The following CHCHD6 variants were observed in gnomAD, a reference collection of about 807,000 sequenced individuals.
CHCHD6 encodes the protein coiled-coil-helix-coiled-coil-helix domain containing 6.
Under a neutral mutation model 32.3 loss-of-function variants are expected in CHCHD6, and 28 were observed. That is an observed-to-expected ratio of 0.87 (90% CI 0.64 to 1.19). The LOEUF (loss-of-function observed/expected upper bound fraction) is 1.19. CHCHD6 is among the 50% of genes most tolerant of loss of function. CHCHD6 has a pLI of 0.00. For missense variants in CHCHD6, 333 were observed against 307.0 expected (o/e 1.08, Z -0.63); for synonymous variants, 122 against 117.5 (o/e 1.04, Z -0.25).
chr3:126,781,522 C>T (rs776751996), intron 4 of CHCHD6, among the ~76,000 whole-genome samples: 8 of 152,246 alleles, frequency 5.3e-5, no homozygotes, highest in Non-Finnish European at 1.0e-4. Context: ...GACAGAGATG[C>T]ATCTGCTGGC....
chr3:126,911,057 T>A (rs1324574058), intron 5 of CHCHD6, among the ~76,000 whole-genome samples: 3 of 152,150 alleles, frequency 2.0e-5, no homozygotes, highest in Admixed American at 6.5e-5. Context: ...AAAACATTGT[T>A]TAGTGTAAAT....
chr3:126,943,659 C>T (rs1227672598), intron 6 of CHCHD6, among the ~76,000 whole-genome samples: 2 of 152,060 alleles, frequency 1.3e-5, no homozygotes, highest in African/African-American at 2.4e-5. Flanking sequence ...CTCTGGTGTC[C>T]GTGATGGGGT....
chr3:126,865,627 C>G (rs927803543), intron 5 of CHCHD6: 29 of 985,160 alleles, frequency 2.9e-5, no homozygotes, highest in Non-Finnish European at 3.5e-5. Flanking sequence ...ATTTTGATTG[C>G]TGCTGCCCCC....
At chr3:126,750,832 G>A (rs953526669) in intron 4 of CHCHD6, among the ~76,000 whole-genome samples, 1 of 152,230 alleles carries the variant, frequency 6.6e-6, no homozygotes, top group Non-Finnish European at 1.5e-5. Flanking sequence ...TAACAGGTGG[G>A]CAGGCAGTTC....
chr3:126,928,048 T>C (rs1215891091), intron 6 of CHCHD6, among the ~76,000 whole-genome samples: 1 of 152,164 alleles, frequency 6.6e-6, no homozygotes, highest in Non-Finnish European at 1.5e-5. Context: ...AAGTTGTTCA[T>C]TGGTAAAGCG....
intron 5 of CHCHD6, among the ~76,000 whole-genome samples, chr3:126,889,035 G>C (rs886122861): frequency 1.3e-5 from 2 of 152,228 alleles, no homozygotes; most frequent in Admixed American, 1.3e-4. Flanking sequence ...AGCCTCAGGA[G>C]AGTGGTGGGT....
intron 2 of CHCHD6, among the ~76,000 whole-genome samples, chr3:126,727,591 T>C (rs1935594522): frequency 6.6e-6 from 1 of 152,164 alleles, no homozygotes; most frequent in African/African-American, 2.4e-5. Context: ...GAGAATTCCG[T>C]CAGTGATTTA....
chr3:126,791,467 C>T (rs954377769), intron 4 of CHCHD6, among the ~76,000 whole-genome samples: 2 of 152,264 alleles, frequency 1.3e-5, no homozygotes, highest in South Asian at 2.1e-4. Context: ...GCAGTGGGCT[C>T]CACCCAGTTC....
chr3:126,954,410 C>T (rs375335074), intron 6 of CHCHD6, among the ~76,000 whole-genome samples: 3 of 152,232 alleles, frequency 2.0e-5, no homozygotes, highest in Non-Finnish European at 4.4e-5. Flanking sequence ...TGCAAAGTGT[C>T]GGCGTCTCTG....
At chr3:126,753,653 C>T (rs914271204) in intron 4 of CHCHD6, among the ~76,000 whole-genome samples, 1 of 152,234 alleles carries the variant, frequency 6.6e-6, no homozygotes. Flanking sequence ...TGCCCTTGCC[C>T]CTGTCTCTCT....
At position 126,960,414 on chromosome 3, in the gene CHCHD6, G is replaced by A. The variant is rs2078844235; in HGVS notation, c.*213G>A. On this transcript the variant is annotated 3_prime_UTR_variant, in exon 8 of 8. Coordinates refer to ENST00000290913, the MANE Select transcript of CHCHD6 (RefSeq NM_032343.3). Reference sequence around the variant, plus strand: ...TTTGTTTTCAGTCGTTGACTCACTGGCAAACAGTCACTGCTGCCTACTCTG... The same window carrying A: ...TTTGTTTTCAGTCGTTGACTCACTGACAAACAGTCACTGCTGCCTACTCTG... 1.7e-6 allele frequency: 1 copy of A among 594,904 alleles called. No individual in the cohort carries two copies. The highest frequency in any genetic ancestry group is 3.0e-6 in the Non-Finnish European group (1 of 332,282). The allele number at this position is 594,904 out of a possible 1,614,324, so 36.9% of individuals were successfully genotyped here. A position where few individuals can be genotyped will look rare whatever the true frequency, so the allele number is the denominator to read the frequency against.
chr3:126,758,869 T>G (rs1181520350), intron 4 of CHCHD6, among the ~76,000 whole-genome samples: 1 of 152,230 alleles, frequency 6.6e-6, no homozygotes, highest in African/African-American at 2.4e-5. Context: ...GCGTCACTTA[T>G]GTTGTAATAG....
At chr3:126,890,180 TGCTGG>T (rs1161529500) in intron 5 of CHCHD6, among the ~76,000 whole-genome samples, 1 of 152,230 alleles carries the variant, frequency 6.6e-6, no homozygotes, top group East Asian at 1.9e-4. Flanking sequence ...AGAGGAGTCT[TGCTGG>T]TGGTAGGTGA....
chr3:126,920,955 A>G (rs1451318547), intron 6 of CHCHD6, among the ~76,000 whole-genome samples: 2 of 152,044 alleles, frequency 1.3e-5, no homozygotes, highest in Admixed American at 6.6e-5. Flanking sequence ...ATTTTTTTGT[A>G]TTCCAACTTA....
intron 4 of CHCHD6, among the ~76,000 whole-genome samples, chr3:126,822,735 A>C (rs1015862452): frequency 1.3e-5 from 2 of 152,208 alleles, no homozygotes; most frequent in African/African-American, 2.4e-5. Context: ...ATTTTTATTA[A>C]AACAATCATT....
At chr3:126,718,029 G>A (rs1459953489) in intron 1 of CHCHD6, among the ~76,000 whole-genome samples, 1 of 152,160 alleles carries the variant, frequency 6.6e-6, no homozygotes, top group Non-Finnish European at 1.5e-5. Flanking sequence ...TTTCCTTGGT[G>A]TCCCCCTGTT....
intron 4 of CHCHD6, among the ~76,000 whole-genome samples, chr3:126,804,483 G>A (rs928254433): frequency 2.4e-4 from 37 of 152,172 alleles, no homozygotes; most frequent in Admixed American, 1.2e-3. Context: ...TAAATTCCTC[G>A]ACACATACAC....
chr3:126,853,670 T>G (rs917278365), intron 5 of CHCHD6, among the ~76,000 whole-genome samples: 1 of 152,124 alleles, frequency 6.6e-6, no homozygotes, highest in Non-Finnish European at 1.5e-5. Flanking sequence ...TTGCCGGTGT[T>G]TAGGGGATGG....
chr3:126,710,982 G>A (rs1313340642), intron 1 of CHCHD6, among the ~76,000 whole-genome samples: 1 of 152,290 alleles, frequency 6.6e-6, no homozygotes, highest in East Asian at 1.9e-4. Flanking sequence ...GAATGTGAAC[G>A]TCCTTGTCTT....
Sources: gnomAD v4.1 joint callset for allele counts (sites outside exome capture counted in the v4.1 genomes callset) on GRCh38, gnomAD v4.1.1 for gene constraint, MANE v1.5 for transcripts, NCBI Gene and HGNC (gene_info 2026-07-23, HGNC 2026-07-21) for gene names.